Variants in SIPA1L1 observed in about 807,000 individuals in gnomAD.
SIPA1L1 encodes signal induced proliferation associated 1 like 1.
Under a neutral mutation model 162.7 loss-of-function variants are expected in SIPA1L1, and 26 were observed. The observed-to-expected ratio is 0.16, with a 90% CI of 0.12 to 0.22. The LOEUF is 0.22. Among genes scored for constraint, SIPA1L1 ranks in the 10% least tolerant of loss-of-function variants. SIPA1L1 has a pLI of 1.00. For missense variants in SIPA1L1, 1,874 were observed against 2,241.0 expected, an observed-to-expected ratio of 0.84 and a Z score of 3.31; for synonymous variants, 829 against 837.4, an observed-to-expected ratio of 0.99 and a Z score of 0.17.
At chr14:71,582,151 T>C (rs2034017751) in intron 4 of SIPA1L1, among the ~76,000 whole-genome samples, 1 of 152,058 alleles carries the variant, frequency 6.6e-6, no homozygotes, top group Non-Finnish European at 1.5e-5. Flanking sequence ...CTGGGCAACA[T>C]AGCAATACCC....
chr14:71,325,402 A>C (rs1202081790), intron 2 of SIPA1L1, among the ~76,000 whole-genome samples: 3 of 152,218 alleles, frequency 2.0e-5, no homozygotes, highest in Non-Finnish European at 4.4e-5. Context: ...TCTTAGAAGC[A>C]TGGGAAAGAT....
At chr14:71,418,572 G>T (rs138879271) in intron 2 of SIPA1L1, among the ~76,000 whole-genome samples, 6 of 152,132 alleles carry the variant, frequency 3.9e-5, no homozygotes, top group East Asian at 1.9e-4. Flanking sequence ...CAGGTCACAC[G>T]GCAGAACTGG....
chr14:71,541,037 A>T (rs1335692588), intron 4 of SIPA1L1, among the ~76,000 whole-genome samples: 2 of 152,146 alleles, frequency 1.3e-5, no homozygotes, highest in Non-Finnish European at 2.9e-5. Context: ...CTGAAGCAGG[A>T]GAATTGCTTG....
At chr14:71,555,644 T>TCC (rs1265772118) in intron 4 of SIPA1L1, among the ~76,000 whole-genome samples, 1 of 152,214 alleles carries the variant, frequency 6.6e-6, no homozygotes, top group Non-Finnish European at 1.5e-5. Context: ...CTCTCAACTT[T>TCC]CAAATGTCTT....
intron 4 of SIPA1L1, among the ~76,000 whole-genome samples, chr14:71,546,905 T>A (rs957316375): frequency 7.9e-5 from 12 of 152,168 alleles, no homozygotes; most frequent in African/African-American, 2.9e-4. Context: ...ACCACTTATT[T>A]TTGCTCCTTT....
chr14:71,575,568 A>G (rs959969631), intron 4 of SIPA1L1, among the ~76,000 whole-genome samples: 1 of 152,166 alleles, frequency 6.6e-6, no homozygotes, highest in African/African-American at 2.4e-5. Flanking sequence ...TTTGATGGTA[A>G]TTGTTTTAAA....
At chr14:71,381,931 ACTGT>A (rs1248868769) in intron 2 of SIPA1L1, among the ~76,000 whole-genome samples, 1 of 152,176 alleles carries the variant, frequency 6.6e-6, no homozygotes, top group Non-Finnish European at 1.5e-5. Context: ...ATGGGGTAGT[ACTGT>A]CTGAGTTCTG....
chr14:71,612,329 G>A (rs998253282), intron 5 of SIPA1L1, among the ~76,000 whole-genome samples: 1 of 152,046 alleles, frequency 6.6e-6, no homozygotes, highest in Non-Finnish European at 1.5e-5. Context: ...TCTCTACCAA[G>A]GGCTGGTTTT....
chr14:71,409,770 T>C (rs1377513843), intron 2 of SIPA1L1, among the ~76,000 whole-genome samples: 1 of 152,216 alleles, frequency 6.6e-6, no homozygotes, highest in Non-Finnish European at 1.5e-5. Context: ...TAGTCTCAAA[T>C]AGTTCAGGGA....
chr14:71,632,169 A>G (rs1053154296), intron 7 of SIPA1L1, among the ~76,000 whole-genome samples: 1 of 152,196 alleles, frequency 6.6e-6, no homozygotes, highest in Admixed American at 6.5e-5. Context: ...GGACACATAT[A>G]TAAAACAAAC....
At chr14:71,412,726 C>A (rs900576588) in intron 2 of SIPA1L1, among the ~76,000 whole-genome samples, 4 of 152,166 alleles carry the variant, frequency 2.6e-5, no homozygotes, top group African/African-American at 9.7e-5. Context: ...TTCTTCTTAG[C>A]TTCCATTTTA....
intron 4 of SIPA1L1, among the ~76,000 whole-genome samples, chr14:71,583,020 A>G (rs2034146946): frequency 6.6e-6 from 1 of 152,244 alleles, no homozygotes; most frequent in Non-Finnish European, 1.5e-5. Flanking sequence ...GCCTTATTTG[A>G]TTATCTTAGC....
At chr14:71,484,103 A>G (rs2048560278) in intron 2 of SIPA1L1, among the ~76,000 whole-genome samples, 1 of 152,140 alleles carries the variant, frequency 6.6e-6, no homozygotes, top group Non-Finnish European at 1.5e-5. Flanking sequence ...AATAGACACT[A>G]TCCTCAGTAT....
chr14:71,462,401 C>T (rs1054312445), intron 2 of SIPA1L1, among the ~76,000 whole-genome samples: 95 of 152,298 alleles, frequency 6.2e-4, no homozygotes, highest in African/African-American at 2.2e-3. Context: ...GCAGAGCCTT[C>T]TCCTGTTCTG....
intron 2 of SIPA1L1, among the ~76,000 whole-genome samples, chr14:71,426,606 C>G (rs1357810339): frequency 1.3e-5 from 2 of 151,638 alleles, no homozygotes; most frequent in African/African-American, 4.8e-5. Context: ...TCTCCTGCCT[C>G]AGCCTCCTGA....
At chr14:71,611,571 G>T (rs1035187898) in intron 5 of SIPA1L1, among the ~76,000 whole-genome samples, 2 of 146,276 alleles carry the variant, frequency 1.4e-5, no homozygotes, top group Admixed American at 6.7e-5. Context: ...CCCACCCCCT[G>T]ACAGGCCCCA....
intron 2 of SIPA1L1, among the ~76,000 whole-genome samples, chr14:71,416,749 ACACG>A (rs994571941): frequency 1.3e-5 from 2 of 149,026 alleles, no homozygotes. Context: ...ACACACACAC[ACACG>A]CATGCACACA....
chr14:71,439,823 A>T lies in SIPA1L1; in HGVS notation c.-464-72920A>T, dbSNP rs761963553. Among the ~76,000 whole-genome samples, 5 of 152,320 alleles carry T rather than the reference A, an allele frequency of 3.3e-5. No homozygotes were observed. In the South Asian group the frequency reaches 1.0e-3, roughly 32 times the overall value. ...TGAGAGAAGTGTCTACATCTATTCA[A>T]ACTTTAACTTTGGGTCTTAGAGGTG... On this transcript the variant is annotated intron_variant, in intron 2 of 23. Transcript: ENST00000381232.
At chr14:71,675,059 T>C (rs1355764850) in intron 12 of SIPA1L1, among the ~76,000 whole-genome samples, 3 of 152,100 alleles carry the variant, frequency 2.0e-5, no homozygotes, top group Non-Finnish European at 4.4e-5. Context: ...GAAGAAAACT[T>C]TATTTGTAGT....
Sources: gnomAD v4.1 joint callset for allele counts (sites outside exome capture counted in the v4.1 genomes callset) on GRCh38, gnomAD v4.1.1 for gene constraint, MANE v1.5 for transcripts, NCBI Gene and HGNC (gene_info 2026-07-23, HGNC 2026-07-21) for gene names.